The following RTN1 variants were observed in gnomAD, a reference collection of about 807,000 sequenced individuals.
RTN1 encodes reticulon 1, also known as reticulon-1.
A neutral mutation model predicts 65.5 loss-of-function variants in RTN1; 25 were observed. That is an observed-to-expected ratio of 0.38 (90% CI 0.28 to 0.53). The LOEUF (loss-of-function observed/expected upper bound fraction) is 0.53, where lower values mean the gene tolerates loss of function less well. RTN1 is among the 20% of genes least tolerant of loss of function. RTN1 has a pLI of 0.79. For missense variants in RTN1, 983 were observed against 1,025.4 expected, an observed-to-expected ratio of 0.96 and a Z score of 0.57; for synonymous variants, 471 against 447.6, an observed-to-expected ratio of 1.05 and a Z score of -0.66.
intron 3 of RTN1, among the ~76,000 whole-genome samples, chr14:59,638,596 C>T (rs759656301): frequency 1.3e-5 from 2 of 152,222 alleles, no homozygotes; most frequent in Non-Finnish European, 2.9e-5. Context: ...TTAGCACTTG[C>T]TGCTTCCCCT....
intron 1 of RTN1, among the ~76,000 whole-genome samples, chr14:59,859,692 G>A (rs977187590): frequency 1.3e-5 from 2 of 152,294 alleles, no homozygotes; most frequent in South Asian, 2.1e-4. Flanking sequence ...CTTGTTAAAC[G>A]GCTTTGACCA....
At chr14:59,733,215 C>T (rs1317126396) in intron 2 of RTN1, among the ~76,000 whole-genome samples, 1 of 152,124 alleles carries the variant, frequency 6.6e-6, no homozygotes, top group Non-Finnish European at 1.5e-5. Flanking sequence ...CTTCAGACTC[C>T]AGAGTAGCTG....
At chr14:59,753,618 C>A (rs1320989072) in intron 1 of RTN1, among the ~76,000 whole-genome samples, 4 of 152,100 alleles carry the variant, frequency 2.6e-5, no homozygotes, top group African/African-American at 9.7e-5. Context: ...AGAAAGTCCT[C>A]CTAGACAGTA....
At chr14:59,840,271 A>T (rs1887287464) in intron 1 of RTN1, among the ~76,000 whole-genome samples, 1 of 152,190 alleles carries the variant, frequency 6.6e-6, no homozygotes, top group Non-Finnish European at 1.5e-5. Flanking sequence ...CATCCATAAA[A>T]ACAAGAATCA....
rs377312291 is a variant in RTN1 at position 59,745,866 on chromosome 14, G to C, written c.857C>G (p.Thr286Arg). The C allele has an allele frequency of 1.2e-6, 2 of 1,613,962 alleles. No homozygotes were observed. The highest frequency in any genetic ancestry group is 1.7e-6 in the Non-Finnish European group (2 of 1,180,032). The change falls in exon 2 of 9, where the codon ACG (threonine) becomes AGG (arginine). Residue 286 changes from threonine to arginine, a missense_variant. By Grantham distance (71) the Thr-to-Arg change is moderately conservative. This residue lies in a region of RTN1 where 818 missense variants were observed against 801.8 expected (regional missense o/e 1.02). Transcript: ENST00000267484. ...QITTPVKITL[T>R]EIEPSVETTT... is the part of the protein sequence containing the mutation. ...GGTTTCAACAGAAGGTTCTATTTCCGTCAGTGTGATTTTGACAGGGGTGGT... is the reference window on the plus strand; with the variant it reads ...GGTTTCAACAGAAGGTTCTATTTCCCTCAGTGTGATTTTGACAGGGGTGGT...
chr14:59,778,654 C>T (rs967984726), intron 1 of RTN1, among the ~76,000 whole-genome samples: 2 of 152,160 alleles, frequency 1.3e-5, no homozygotes, highest in African/African-American at 4.8e-5. Context: ...GATGTTTGTG[C>T]AGCATACAGC....
chr14:59,834,948 C>A (rs1887188739), intron 1 of RTN1, among the ~76,000 whole-genome samples: 2 of 152,194 alleles, frequency 1.3e-5, no homozygotes, highest in Admixed American at 6.5e-5. Flanking sequence ...TTTGCAGTTT[C>A]TTGGAAGGTT....
chr14:59,727,241 G>C lies in RTN1; in HGVS notation c.1443C>G (p.Pro481=), dbSNP rs1040907766. ...CDASSASEES[P]KREQDSPPMK... is the part of the protein sequence containing the mutation. Reference sequence around the variant, plus strand: ...TCGGGGGTGAGTCCTGCTCCCGCTTGGGGCTCTCCTCCGAGGCCGAGGAGG... The same window carrying C: ...TCGGGGGTGAGTCCTGCTCCCGCTTCGGGCTCTCCTCCGAGGCCGAGGAGG... The change falls in exon 3 of 9, where the codon CCC becomes CCG. Residue 481 remains proline (P), a synonymous_variant. Transcript: ENST00000267484. This position sits in a 1 kb window ranked among gnomAD's most constrained non-coding sequence, Gnocchi z 4.2. The C allele has an allele frequency of 1.1e-5, 17 of 1,547,594 alleles. No individual in the cohort carries two copies. The highest frequency in any genetic ancestry group is 3.4e-4 in the Middle Eastern group (2 of 5,898).
rs1297636989 is a variant in RTN1 at position 59,816,620 on chromosome 14, G to A, written c.241+53770C>T. The stretch of plus-strand genomic sequence containing the variant: ...AAGATGGGGTTCAGGGATGAGAAGT[G>A]GGGAGGATCATGCTATAAAATACCC... On this transcript the variant is annotated intron_variant, in intron 1 of 8. Transcript: ENST00000267484. The surrounding 1 kb of genome is among the most constrained non-coding windows in gnomAD (Gnocchi z 4.3). Among the ~76,000 whole-genome samples the A allele has an allele frequency of 1.3e-5, 2 of 152,144 alleles. No homozygotes were observed. Among genetic ancestry groups the A allele is most frequent in the African/African-American group, 4.8e-5 (2 of 41,422 alleles).
At chr14:59,610,751 A>C (rs553136155) in intron 3 of RTN1, among the ~76,000 whole-genome samples, 1 of 152,364 alleles carries the variant, frequency 6.6e-6, no homozygotes, top group South Asian at 2.1e-4. Flanking sequence ...CATTAGCCAC[A>C]AGATAAGAAA....
chr14:59,681,531 A>G lies in RTN1; in HGVS notation c.1765+45388T>C, dbSNP rs1422622009. 6.6e-5 allele frequency among the ~76,000 whole-genome samples: 10 copies of G among 152,286 alleles called. No homozygotes were observed. In the East Asian group the frequency reaches 1.9e-3, roughly 29 times the overall value. On this transcript the variant is annotated intron_variant, in intron 3 of 8. Coordinates refer to ENST00000267484, the MANE Select transcript of RTN1 (RefSeq NM_021136.3). ...TGCAGTAGGCACTGGGAAATAATGAATCTGGGTCACTAATACTCTGTATTC... is the reference window on the plus strand; with the variant it reads ...TGCAGTAGGCACTGGGAAATAATGAGTCTGGGTCACTAATACTCTGTATTC...
chr14:59,600,868 C>T (rs752657892), intron 8 of RTN1, among the ~76,000 whole-genome samples: 6 of 152,162 alleles, frequency 3.9e-5, no homozygotes, highest in Non-Finnish European at 8.8e-5. Flanking sequence ...TTTATATTCT[C>T]TGCCATCTCT....
intron 1 of RTN1, among the ~76,000 whole-genome samples, chr14:59,842,758 A>C (rs1887336819): frequency 2.0e-5 from 3 of 152,244 alleles, no homozygotes; most frequent in Admixed American, 1.3e-4. Context: ...TGTAAATTAC[A>C]TCTTGGAACA....
chr14:59,856,280 A>G (rs1246744116), intron 1 of RTN1, among the ~76,000 whole-genome samples: 3 of 152,174 alleles, frequency 2.0e-5, no homozygotes, highest in African/African-American at 7.2e-5. Context: ...GTTTTTATAT[A>G]AGACTTTAAT....
intron 1 of RTN1, among the ~76,000 whole-genome samples, chr14:59,756,968 C>T (rs916979481): frequency 1.3e-5 from 2 of 151,938 alleles, no homozygotes; most frequent in Non-Finnish European, 2.9e-5. Context: ...GGACTACAGG[C>T]ATGAGCCACT....
intron 3 of RTN1, among the ~76,000 whole-genome samples, chr14:59,633,906 G>A (rs1882607764): frequency 1.3e-5 from 2 of 152,218 alleles, no homozygotes; most frequent in African/African-American, 4.8e-5. Context: ...GAATTTTACT[G>A]ATGGGAATCA....
chr14:59,608,111 G>GT (rs1216919364), intron 3 of RTN1, among the ~76,000 whole-genome samples: 1 of 152,034 alleles, frequency 6.6e-6, no homozygotes, highest in Non-Finnish European at 1.5e-5. Flanking sequence ...TGCTTCAAAT[G>GT]TCATGCAAAA....
Position 59,757,898 on chromosome 14 carries a change from A to G in RTN1, c.242-11417T>C, listed in dbSNP as rs551997097. Reference sequence around the variant, plus strand: ...AATCTACAACAACATGTCATCACCCAAAGTCTGTAGTTTACATTAAAGTTT... The same window carrying G: ...AATCTACAACAACATGTCATCACCCGAAGTCTGTAGTTTACATTAAAGTTT... On this transcript the variant is annotated intron_variant, in intron 1 of 8. Transcript: ENST00000267484. Among the ~76,000 whole-genome samples, 10 of 152,196 alleles carry G rather than the reference A, an allele frequency of 6.6e-5. 1 individual carries two copies. The highest frequency in any genetic ancestry group is 2.0e-4 in the Admixed American group (3 of 15,272).
intron 3 of RTN1, among the ~76,000 whole-genome samples, chr14:59,643,680 G>T (rs1882829581): frequency 6.6e-6 from 1 of 152,118 alleles, no homozygotes; most frequent in South Asian, 2.1e-4. Flanking sequence ...ACAAAACTGA[G>T]CAGAGATATC....
Sources: gnomAD v4.1 joint callset for allele counts (sites outside exome capture counted in the v4.1 genomes callset) on GRCh38, gnomAD v4.1.1 for gene constraint, gnomAD v4.1.1 regional missense constraint, Gnocchi (gnomAD v3.1) non-coding constraint, MANE v1.5 for transcripts, NCBI Gene and HGNC (gene_info 2026-07-23, HGNC 2026-07-21) for gene names.